PTPRD: variants seen among roughly 807,000 people sequenced by gnomAD.
PTPRD encodes the protein protein tyrosine phosphatase receptor type D, also known as receptor-type tyrosine-protein phosphatase delta.
PTPRD carries 34 observed loss-of-function variants against 214.5 expected under a neutral mutation model. The observed-to-expected ratio is 0.16, with a 90% CI of 0.12 to 0.21. The LOEUF (loss-of-function observed/expected upper bound fraction) is 0.21, where lower values mean the gene tolerates loss of function less well. PTPRD is among the 10% of genes least tolerant of loss of function. The probability of loss-of-function intolerance (pLI) is 1.00; values close to 1 mark genes in which losing one functional copy is unlikely to be tolerated. For missense variants in PTPRD, 2,545 were observed against 2,398.7 expected (o/e 1.06, Z -1.27); for synonymous variants, 1,128 against 845.7 (o/e 1.33, Z -5.79).
At chr9:9,100,690 G>A (rs553902389) in intron 10 of PTPRD, among the ~76,000 whole-genome samples, 10 of 152,202 alleles carry the variant, frequency 6.6e-5, no homozygotes, top group East Asian at 1.9e-4. Flanking sequence ...GCCACATTCC[G>A]AAGGGAATGT....
chr9:10,262,974 A>C (rs191681863), intron 3 of PTPRD, among the ~76,000 whole-genome samples: 1 of 152,068 alleles, frequency 6.6e-6, no homozygotes, highest in South Asian at 2.1e-4. Context: ...AATACATCTC[A>C]AGAGATCTGA....
rs544959044 is a variant in PTPRD, at chr9:8,589,737, A to C, written c.352+43580T>G. 2.6e-5 allele frequency among the ~76,000 whole-genome samples: 4 copies of C among 152,264 alleles called. No individual in the cohort carries two copies. The East Asian group carries it at 5.8e-4, about 22-fold the overall frequency. On this transcript the variant is annotated intron_variant, in intron 14 of 45. Coordinates refer to ENST00000381196, the MANE Select transcript of PTPRD (RefSeq NM_002839.4). ...GCGTTGGCACGTCTGCCACCTCAGA[A>C]ATCAACAAAGTCATGCTTCCGTTTG...
intron 10 of PTPRD, among the ~76,000 whole-genome samples, chr9:9,133,135 T>C (rs1342433024): frequency 1.3e-5 from 2 of 152,190 alleles, no homozygotes; most frequent in Non-Finnish European, 2.9e-5. Flanking sequence ...TTTCTGTATT[T>C]GGCTAATCAG....
At chr9:8,472,322 C>T (rs571240658) in intron 30 of PTPRD, among the ~76,000 whole-genome samples, 1 of 152,256 alleles carries the variant, frequency 6.6e-6, no homozygotes, top group Admixed American at 6.5e-5. Context: ...GAGGAGGCCA[C>T]CACACAGGAC....
chr9:9,476,557 C>A (rs1239276453), intron 8 of PTPRD, among the ~76,000 whole-genome samples: 1 of 152,028 alleles, frequency 6.6e-6, no homozygotes, highest in Non-Finnish European at 1.5e-5. Flanking sequence ...TGTCAAGGAC[C>A]AGAACATCTT....
rs186730272 is a variant in PTPRD, at chr9:9,559,842, A to T, written c.-237+14890T>A. ...GAATATCCTCAGGCATGGGAGAGAC[A>T]TAAGCGGTGCATAAGTGGAGAGCCA... On this transcript the variant is annotated intron_variant, in intron 8 of 45. Transcript: ENST00000381196. 6.9e-4 allele frequency among the ~76,000 whole-genome samples: 105 copies of T among 152,338 alleles called. 1 individual carries two copies. Among genetic ancestry groups the T allele is most frequent in the Admixed American group, 3.3e-4 (5 of 15,304 alleles).
At chr9:8,676,723 G>T (rs530553002) in intron 12 of PTPRD, among the ~76,000 whole-genome samples, 1 of 152,080 alleles carries the variant, frequency 6.6e-6, no homozygotes, top group African/African-American at 2.4e-5. Context: ...ACAGGCATGC[G>T]CCACCATGCC....
chr9:9,461,495 G>A (rs1240216522), intron 8 of PTPRD, among the ~76,000 whole-genome samples: 4 of 152,006 alleles, frequency 2.6e-5, no homozygotes, highest in African/African-American at 9.7e-5. Context: ...GAGAGAACAT[G>A]GAAAAACAAA....
intron 12 of PTPRD, among the ~76,000 whole-genome samples, chr9:8,699,772 GA>G (rs35735101): frequency 8.7e-4 from 116 of 133,446 alleles, no homozygotes; most frequent in East Asian, 8.2e-3. Context: ...ACGCCCAAAA[GA>G]AAAAAAAAAA....
intron 12 of PTPRD, among the ~76,000 whole-genome samples, chr9:8,699,424 G>A (rs1480334323): frequency 1.3e-5 from 2 of 152,138 alleles, no homozygotes; most frequent in Non-Finnish European, 1.5e-5. Flanking sequence ...ATAAGCATTT[G>A]AGGACATTTT....
At chr9:9,956,091 T>A (rs542256889) in intron 4 of PTPRD, among the ~76,000 whole-genome samples, 201 of 152,248 alleles carry the variant, frequency 1.3e-3, no homozygotes, top group African/African-American at 4.6e-3. Flanking sequence ...ATATATAGAT[T>A]TTGCTCATAT....
chr9:8,837,884 G>T (rs1480135831), intron 11 of PTPRD, among the ~76,000 whole-genome samples: 2 of 149,202 alleles, frequency 1.3e-5, no homozygotes, highest in African/African-American at 5.2e-5. Context: ...TAAGAGAAAA[G>T]AAGAGATTTC....
In PTPRD at chr9:9,506,294, T is replaced by G. The variant is rs188325868; in HGVS notation, c.-237+68438A>C. Among the ~76,000 whole-genome samples the G allele has an allele frequency of 9.8e-4, 148 of 151,528 alleles. 1 individual carries two copies. Among genetic ancestry groups the G allele is most frequent in the Admixed American group, 1.8e-3 (28 of 15,154 alleles). On this transcript the variant is annotated intron_variant, in intron 8 of 45. Transcript: ENST00000381196. ...CTGAGGACAAAAGGAAATATTGTAC[T>G]TAAAATTTGTAGAAGCAGTAGAGGA...
chr9:10,314,445 T>C (rs532731051), intron 3 of PTPRD, among the ~76,000 whole-genome samples: 59 of 151,970 alleles, frequency 3.9e-4, no homozygotes, highest in African/African-American at 1.0e-3. Flanking sequence ...AGTAAACAAA[T>C]AAGAATCAGG....
At chr9:9,016,409 C>T (rs943732205) in intron 11 of PTPRD, among the ~76,000 whole-genome samples, 4 of 152,064 alleles carry the variant, frequency 2.6e-5, no homozygotes, top group Admixed American at 6.6e-5. Flanking sequence ...ATTACTAACC[C>T]TTTATGAGAA....
chr9:9,133,635 A>G (rs2099846245), intron 10 of PTPRD, among the ~76,000 whole-genome samples: 1 of 152,342 alleles, frequency 6.6e-6, no homozygotes, highest in East Asian at 1.9e-4. Flanking sequence ...GTACTGTGTC[A>G]AAATCACTAT....
intron 8 of PTPRD, among the ~76,000 whole-genome samples, chr9:9,476,745 TA>T (rs758407050): frequency 1.3e-5 from 2 of 152,208 alleles, no homozygotes; most frequent in Admixed American, 6.5e-5. Context: ...TTTTATTTTT[TA>T]TTTTTTTGCG....
chr9:10,023,739 T>A (rs1329678331), intron 4 of PTPRD, among the ~76,000 whole-genome samples: 2 of 151,740 alleles, frequency 1.3e-5, no homozygotes, highest in Non-Finnish European at 2.9e-5. Context: ...TAAGTACAAA[T>A]GCTACAGAAG....
At chr9:10,116,450 A>G (rs2098732015) in intron 3 of PTPRD, among the ~76,000 whole-genome samples, 1 of 152,140 alleles carries the variant, frequency 6.6e-6, no homozygotes, top group Non-Finnish European at 1.5e-5. Context: ...GTATCAATTA[A>G]TATTGCCACA....
Sources: allele counts gnomAD v4.1 joint callset (sites outside exome capture counted in the v4.1 genomes callset), GRCh38; gene constraint gnomAD v4.1.1; transcripts MANE v1.5; gene names NCBI Gene and HGNC (gene_info 2026-07-23, HGNC 2026-07-21).